The following ACTR1A variants were observed in gnomAD, a reference collection of about 807,000 sequenced individuals.
ACTR1A encodes the protein alpha-centractin.
ACTR1A carries 10 observed loss-of-function variants against 50.7 expected under a neutral mutation model. The ratio of observed to expected loss-of-function variants is 0.20; its 90% CI spans 0.12 to 0.33. The LOEUF (loss-of-function observed/expected upper bound fraction) is 0.33. ACTR1A is among the 10% of genes least tolerant of loss of function. The pLI is 1.00. For missense variants in ACTR1A, 253 were observed against 491.7 expected (o/e 0.51, Z 4.59); for synonymous variants, 177 against 184.2 (o/e 0.96, Z 0.32).
chr10:102,479,908 C>A lies in ACTR1A; in HGVS notation c.*955G>T. On this transcript the variant is annotated 3_prime_UTR_variant, in exon 11 of 11. Transcript: ENST00000369905. This position sits in a 1 kb window ranked among gnomAD's most constrained non-coding sequence, Gnocchi z 4.0. Reference sequence around the variant, plus strand: ...GGGAGAAAGAGCCTGGTGGGAGTGTCTTTGAGTGTAGCTTCCAATCTCAAA... The same window carrying A: ...GGGAGAAAGAGCCTGGTGGGAGTGTATTTGAGTGTAGCTTCCAATCTCAAA... 1 of 314,776 alleles carries A rather than the reference C, an allele frequency of 3.2e-6. No homozygotes were observed. Among genetic ancestry groups the A allele is most frequent in the Non-Finnish European group, 6.4e-6 (1 of 156,608 alleles). The allele number at this position is 314,776 out of a possible 1,614,324, so 19.5% of individuals were successfully genotyped here.
chr10:102,499,772 G>A (rs760139745), intron 1 of ACTR1A, among the ~76,000 whole-genome samples: 4 of 152,204 alleles, frequency 2.6e-5, no homozygotes, highest in Non-Finnish European at 4.4e-5. Flanking sequence ...GCTAAAGACA[G>A]AAATCGTAGT....
intron 1 of ACTR1A, among the ~76,000 whole-genome samples, chr10:102,499,532 G>A (rs779417957): frequency 2.6e-5 from 4 of 152,044 alleles, no homozygotes; most frequent in Admixed American, 6.6e-5. Context: ...AATGCATTTC[G>A]AAACATACTA....
Position 102,488,047 on chromosome 10 carries a change from A to T in ACTR1A, c.315+103T>A, listed in dbSNP as rs897978832. On this transcript the variant is annotated intron_variant, in intron 4 of 10. Coordinates refer to ENST00000369905, the MANE Select transcript of ACTR1A (RefSeq NM_005736.4). This position sits in a 1 kb window ranked among gnomAD's most constrained non-coding sequence, Gnocchi z 4.4. ...ATATGCCTGAAAATCAAATGGCTCC[A>T]GCACTCTTGGCAGTGATCATCGTCC... 14 of 1,380,886 alleles carry T rather than the reference A, an allele frequency of 1.0e-5. No individual in the cohort carries two copies. In the Admixed American group the frequency reaches 1.6e-4, roughly 16 times the overall value. 85.5% of individuals were successfully genotyped at this position (1,380,886 alleles called of 1,614,324 possible).
intron 1 of ACTR1A, among the ~76,000 whole-genome samples, chr10:102,497,795 AGAGAAAGGATAGGGTT>A (rs1000179250): frequency 8.5e-5 from 13 of 152,164 alleles, no homozygotes; most frequent in African/African-American, 2.9e-4. Context: ...TGTAAAACAG[AGAGAAAGGATAGGGTT>A]GCCAGGCACA....
chr10:102,499,474 G>C (rs2135590695), intron 1 of ACTR1A, among the ~76,000 whole-genome samples: 1 of 152,216 alleles, frequency 6.6e-6, no homozygotes, highest in East Asian at 1.9e-4. Context: ...GGAAAAAAAA[G>C]ACAAGTCAAT....
chr10:102,490,642 T>A, intron 1 of ACTR1A, 29 bp from the exon 2 acceptor site: 2 of 1,542,448 alleles, frequency 1.3e-6, no homozygotes, highest in Non-Finnish European at 1.8e-6. Context: ...GAATGAGGAG[T>A]CAGAACTATC....
At chr10:102,501,551 C>T (rs907616440) in intron 1 of ACTR1A, among the ~76,000 whole-genome samples, 2 of 152,130 alleles carry the variant, frequency 1.3e-5, no homozygotes, top group Admixed American at 6.5e-5. Flanking sequence ...TTCTCCTTTC[C>T]CCCCAAAATA....
At chr10:102,493,401 C>T (rs1163823075) in intron 1 of ACTR1A, among the ~76,000 whole-genome samples, 3 of 152,200 alleles carry the variant, frequency 2.0e-5, no homozygotes, top group Admixed American at 2.0e-4. Context: ...GAGATCTGTC[C>T]TTCAGACCCT....
Position 102,482,312 on chromosome 10 carries a change from T to C in ACTR1A, c.751-137A>G. 1 of 770,042 alleles carries C rather than the reference T, an allele frequency of 1.3e-6. No individual in the cohort carries two copies. Among genetic ancestry groups the C allele is most frequent in the Non-Finnish European group, 2.1e-6 (1 of 473,754 alleles). The allele number at this position is 770,042 out of a possible 1,614,324, so 47.7% of individuals were successfully genotyped here. A position where few individuals can be genotyped will look rare whatever the true frequency, so the allele number is the denominator to read the frequency against. On this transcript the variant is annotated intron_variant, in intron 7 of 10. Transcript: ENST00000369905. The surrounding 1 kb of genome is among the most constrained non-coding windows in gnomAD (Gnocchi z 5.6). ...GGCCAGGCTCAAGACAGACTCTACA[T>C]GTCAAGGGCTTAAAGGAACAAAGAT...
intron 1 of ACTR1A, among the ~76,000 whole-genome samples, chr10:102,496,501 T>C (rs972248813): frequency 3.3e-5 from 5 of 152,260 alleles, no homozygotes; most frequent in African/African-American, 1.2e-4. Context: ...TCAGAGGACT[T>C]AGCTCAGTGT....
chr10:102,500,736 G>A (rs890265984), intron 1 of ACTR1A, among the ~76,000 whole-genome samples: 1 of 150,972 alleles, frequency 6.6e-6, no homozygotes, highest in Non-Finnish European at 1.5e-5. Context: ...CAGCCTGGGT[G>A]ACAAAGCGAG....
In ACTR1A at chr10:102,488,300, G is replaced by C. The variant is rs756394868; in HGVS notation, c.190-25C>G. Reference sequence around the variant, plus strand: ...CCTGGGAAAAGAGAACAGGACTTACGACTGCAGTCAGGCTCCACCCAGGAC... The same window carrying C: ...CCTGGGAAAAGAGAACAGGACTTACCACTGCAGTCAGGCTCCACCCAGGAC... On this transcript the variant is annotated intron_variant, in intron 3 of 10. Coordinates refer to ENST00000369905, the MANE Select transcript of ACTR1A (RefSeq NM_005736.4). This position sits in a 1 kb window ranked among gnomAD's most constrained non-coding sequence, Gnocchi z 4.4. 1 of 1,607,522 alleles carries C rather than the reference G, an allele frequency of 6.2e-7. No individual in the cohort carries two copies. The highest frequency in any genetic ancestry group is 1.3e-5 in the African/African-American group (1 of 74,820).
intron 1 of ACTR1A, among the ~76,000 whole-genome samples, chr10:102,493,063 A>G (rs2062202541): frequency 1.3e-5 from 2 of 149,882 alleles, no homozygotes; most frequent in Non-Finnish European, 3.0e-5. Flanking sequence ...ATGAGAGGAG[A>G]GCAGGGCAGC....
chr10:102,480,752 T>A lies in ACTR1A; in HGVS notation c.*111A>T. ...GCACTCGCATGTGCACACACACTCA[T>A]ATCCACACACGCACTCACACACAGG... On this transcript the variant is annotated 3_prime_UTR_variant, in exon 11 of 11. Transcript: ENST00000369905. The A allele has an allele frequency of 1.1e-6, 1 of 903,464 alleles. No homozygotes were observed. The highest frequency in any genetic ancestry group is 1.8e-6 in the Non-Finnish European group (1 of 546,748). 56.0% of individuals were successfully genotyped at this position (903,464 alleles called of 1,614,324 possible).
chr10:102,484,246 A>C lies in ACTR1A; in HGVS notation c.571T>G (p.Ser191Ala), dbSNP rs1275696706. 2 of 1,614,104 alleles carry C rather than the reference A, an allele frequency of 1.2e-6. No individual in the cohort carries two copies. Among genetic ancestry groups the C allele is most frequent in the African/African-American group, 2.7e-5 (2 of 74,932 alleles). The change falls in exon 6 of 11, where the codon TCT becomes GCT. Residue 191 changes from serine to alanine, a missense_variant. Around this residue, in one of 4 missense-constraint regions of ACTR1A, gnomAD observed 116 missense variants for 155.9 expected, o/e 0.74. Coordinates refer to ENST00000369905, the MANE Select transcript of ACTR1A (RefSeq NM_005736.4). The part of the protein sequence containing the change: ...MRIDIAGRDV[S>A]RFLRLYLRKE... Reference sequence around the variant, plus strand: ...CGCAGGTAGAGGCGCAGGAAGCGAGAGACGTCCCGGCCCGCGATGTCGATG... The same window carrying C: ...CGCAGGTAGAGGCGCAGGAAGCGAGCGACGTCCCGGCCCGCGATGTCGATG...
intron 1 of ACTR1A, among the ~76,000 whole-genome samples, chr10:102,491,922 T>C (rs1348976851): frequency 4.1e-5 from 6 of 148,112 alleles, no homozygotes; most frequent in East Asian, 3.9e-4. Flanking sequence ...CCCACCAGCA[T>C]GCCTGGCTAA....
chr10:102,488,157 G>T lies in ACTR1A; in HGVS notation c.308C>A (p.Ser103Ter). ...TACACACAGGATCCTCACCTCCTCT[G>T]AGAAAGTCTGCAGCTGGTCCTTAGA... is the stretch of plus-strand genomic sequence containing the variant. ...VYSKDQLQTF[S>*]EEHPVLLTEA... Residue 103 changes from serine (S) to a stop codon, truncating the protein, a stop_gained, in exon 4 of 11, where the codon TCA becomes TAA. Transcript: ENST00000369905. LOFTEE classifies it high-confidence loss of function. This position sits in a 1 kb window ranked among gnomAD's most constrained non-coding sequence, Gnocchi z 4.4. 1 of 1,612,834 alleles carries T rather than the reference G, an allele frequency of 6.2e-7. No individual in the cohort carries two copies. The highest frequency in any genetic ancestry group is 8.5e-7 in the Non-Finnish European group (1 of 1,178,968).
intron 1 of ACTR1A, among the ~76,000 whole-genome samples, chr10:102,502,301 A>C (rs2062260379): frequency 6.7e-6 from 1 of 150,082 alleles, no homozygotes; most frequent in African/African-American, 2.4e-5. Flanking sequence ...AATGGGGGAG[A>C]GGGCGGGCGA....
chr10:102,487,631 CTTTTTTT>C (rs145832320), intron 4 of ACTR1A, among the ~76,000 whole-genome samples: 1 of 117,028 alleles, frequency 8.5e-6, no homozygotes, highest in African/African-American at 3.2e-5. Flanking sequence ...CTTGGCTTTT[CTTTTTTT>C]TTTTTTTTTT....
Sources: gnomAD v4.1 joint callset for allele counts (sites outside exome capture counted in the v4.1 genomes callset) on GRCh38, gnomAD v4.1.1 for gene constraint, gnomAD v4.1.1 regional missense constraint, Gnocchi (gnomAD v3.1) non-coding constraint, MANE v1.5 for transcripts, NCBI Gene and HGNC (gene_info 2026-07-23, HGNC 2026-07-21) for gene names.